MAD1L1: variants seen among roughly 807,000 people sequenced by gnomAD.
MAD1L1 encodes the protein mitotic spindle assembly checkpoint protein MAD1.
A neutral mutation model predicts 96.9 loss-of-function variants in MAD1L1; 95 were observed. The observed-to-expected ratio is 0.98, with a 90% CI of 0.83 to 1.16. The LOEUF is 1.16. MAD1L1 is among the 50% of genes most tolerant of loss of function. The pLI, the probability that MAD1L1 is intolerant of heterozygous loss-of-function variation, is 0.00. For missense variants in MAD1L1, 1,007 were observed against 954.4 expected (o/e 1.06, Z -0.73); for synonymous variants, 473 against 396.6 (o/e 1.19, Z -2.29).
rs759622071 is a variant in MAD1L1 at position 1,898,165 on chromosome 7, G to A, written c.1998+35C>T. The stretch of plus-strand genomic sequence containing the variant: ...CTCCCCACAGGAGGAGACAGAGAGC[G>A]AGACAGCCGGAGAGCCGTCACACGC... On this transcript the variant is annotated intron_variant, in intron 18 of 18. Coordinates refer to ENST00000265854, the MANE Select transcript of MAD1L1 (RefSeq NM_001013836.2). The A allele has an allele frequency of 3.4e-5, 54 of 1,566,120 alleles. No individual in the cohort carries two copies. In the African/African-American group the frequency reaches 5.7e-4, roughly 17 times the overall value.
intron 18 of MAD1L1, among the ~76,000 whole-genome samples, chr7:1,886,803 C>T (rs757711965): frequency 1.3e-5 from 2 of 152,264 alleles, no homozygotes; most frequent in East Asian, 1.9e-4. Context: ...AGGGCTGGGG[C>T]AGCAGGTGAG....
At chr7:1,849,183 G>A (rs749158686) in intron 18 of MAD1L1, 1 of 150,756 alleles carries the variant, frequency 6.6e-6, no homozygotes, top group Admixed American at 6.6e-5. Flanking sequence ...CGGGGTCAGG[G>A]AGCTGATGCT....
At chr7:2,014,727 G>A in intron 12 of MAD1L1, 85 bp from the exon 13 acceptor site, 1 of 1,432,948 alleles carries the variant, frequency 7.0e-7, no homozygotes, top group Non-Finnish European at 9.3e-7. Flanking sequence ...CCCCACGAGA[G>A]CTGGGTCACG....
chr7:1,818,410 G>C (rs1288732403), intron 18 of MAD1L1, among the ~76,000 whole-genome samples: 3 of 151,578 alleles, frequency 2.0e-5, no homozygotes, highest in African/African-American at 4.8e-5. Context: ...TTAGAGACGA[G>C]TCTCACTCTG....
chr7:2,128,376 A>C (rs1407164361), intron 11 of MAD1L1, among the ~76,000 whole-genome samples: 1 of 152,008 alleles, frequency 6.6e-6, no homozygotes, highest in Non-Finnish European at 1.5e-5. Context: ...AGGGCGGAGG[A>C]GGCCAGACCA....
chr7:1,974,366 G>A (rs1426969778), intron 15 of MAD1L1, among the ~76,000 whole-genome samples: 1 of 152,200 alleles, frequency 6.6e-6, no homozygotes, highest in African/African-American at 2.4e-5. Flanking sequence ...GTCCAACACT[G>A]GCAGAAAAAC....
At chr7:1,942,904 G>A (rs903962052) in intron 16 of MAD1L1, among the ~76,000 whole-genome samples, 1 of 152,206 alleles carries the variant, frequency 6.6e-6, no homozygotes, top group Non-Finnish European at 1.5e-5. Flanking sequence ...ACTGCAATCA[G>A]GATGGTGTGG....
intron 18 of MAD1L1, among the ~76,000 whole-genome samples, chr7:1,867,569 C>T (rs1174692556): frequency 1.3e-5 from 2 of 152,256 alleles, no homozygotes; most frequent in African/African-American, 4.8e-5. Flanking sequence ...CCATGGGGCG[C>T]GGAGGCTTCT....
chr7:2,074,367 C>T (rs1785280202), intron 11 of MAD1L1, among the ~76,000 whole-genome samples: 1 of 152,078 alleles, frequency 6.6e-6, no homozygotes, highest in East Asian at 1.9e-4. Context: ...AGCCCTTGGG[C>T]TGTGGGAACA....
Position 2,156,026 on chromosome 7 carries a change from G to A in MAD1L1, c.987-6788C>T, listed in dbSNP as rs1216023094. Among the ~76,000 whole-genome samples, 9 of 152,238 alleles carry A rather than the reference G, an allele frequency of 5.9e-5. 1 individual carries two copies. Among genetic ancestry groups the A allele is most frequent in the Admixed American group, 2.6e-4 (4 of 15,284 alleles). On this transcript the variant is annotated intron_variant, in intron 10 of 18. Transcript: ENST00000265854. Reference sequence around the variant, plus strand: ...TAAAGCTGATGCTGGGCAAAAAGGTGGTCAGGCAGTTGCTGCAAAAAGCGC... The same window carrying A: ...TAAAGCTGATGCTGGGCAAAAAGGTAGTCAGGCAGTTGCTGCAAAAAGCGC...
intron 10 of MAD1L1, among the ~76,000 whole-genome samples, chr7:2,192,588 A>C (rs942268046): frequency 2.0e-5 from 3 of 152,216 alleles, no homozygotes; most frequent in African/African-American, 7.2e-5. Context: ...GATGAGAATG[A>C]AAGTGTGACT....
chr7:1,906,107 G>A (rs1263451458), intron 17 of MAD1L1, among the ~76,000 whole-genome samples: 4 of 150,698 alleles, frequency 2.7e-5, no homozygotes, highest in Non-Finnish European at 4.4e-5. Context: ...AGCACCCGCA[G>A]GCACCAGGCA....
At chr7:2,156,838 A>G (rs1330257412) in intron 10 of MAD1L1, among the ~76,000 whole-genome samples, 1 of 150,652 alleles carries the variant, frequency 6.6e-6, no homozygotes, top group Non-Finnish European at 1.5e-5. Flanking sequence ...AAAAAAAAAG[A>G]AAGAAAGAAA....
intron 17 of MAD1L1, among the ~76,000 whole-genome samples, chr7:1,900,512 G>A (rs1437001146): frequency 6.6e-6 from 1 of 152,192 alleles, no homozygotes; most frequent in Non-Finnish European, 1.5e-5. Flanking sequence ...GGACGAGGCT[G>A]GGGCCCTTGA....
chr7:2,152,129 G>A (rs1383571743), intron 10 of MAD1L1, among the ~76,000 whole-genome samples: 6 of 152,248 alleles, frequency 3.9e-5, no homozygotes, highest in Admixed American at 1.3e-4. Flanking sequence ...GAAGGCTGGC[G>A]CCTGAGGCGG....
At chr7:2,115,095 C>A (rs1002198097) in intron 11 of MAD1L1, among the ~76,000 whole-genome samples, 7 of 152,210 alleles carry the variant, frequency 4.6e-5, no homozygotes, top group Admixed American at 6.5e-5. Context: ...CGACCCAAGG[C>A]TCCCCCAGAA....
intron 18 of MAD1L1, among the ~76,000 whole-genome samples, chr7:1,836,388 G>C (rs188442513): frequency 3.3e-5 from 5 of 152,252 alleles, no homozygotes; most frequent in African/African-American, 1.2e-4. Flanking sequence ...ACTGCAACCT[G>C]TTTTATCAGC....
At chr7:1,920,251 CGT>C (rs1044041861) in intron 17 of MAD1L1, among the ~76,000 whole-genome samples, 1 of 152,230 alleles carries the variant, frequency 6.6e-6, no homozygotes, top group East Asian at 1.9e-4. Flanking sequence ...TGCGTGCGTG[CGT>C]GTGCATGTGC....
chr7:2,068,025 G>A (rs1014714252), intron 12 of MAD1L1, among the ~76,000 whole-genome samples: 2 of 152,234 alleles, frequency 1.3e-5, no homozygotes, highest in African/African-American at 4.8e-5. Context: ...GAGGAAGGTC[G>A]AGAGCTTGCT....
Sources: allele counts gnomAD v4.1 joint callset (sites outside exome capture counted in the v4.1 genomes callset), GRCh38; gene constraint gnomAD v4.1.1; transcripts MANE v1.5; gene names NCBI Gene and HGNC (gene_info 2026-07-23, HGNC 2026-07-21).